The following GNA12 variants were observed in gnomAD, a reference collection of about 807,000 sequenced individuals.
GNA12 encodes the protein G protein subunit alpha 12.
GNA12 carries 9 observed loss-of-function variants against 26.0 expected under a neutral mutation model. The ratio of observed to expected loss-of-function variants is 0.35; its 90% CI spans 0.21 to 0.60. The LOEUF (loss-of-function observed/expected upper bound fraction) is 0.60, where lower values mean the gene tolerates loss of function less well. GNA12 is among the 20% of genes least tolerant of loss of function. The pLI is 0.78. For synonymous variants in GNA12, 264 were observed against 219.6 expected (o/e 1.20, Z -1.79); for missense variants, 405 against 525.8 (o/e 0.77, Z 2.25).
chr7:2,760,584 C>T (rs17132661), intron 2 of GNA12: 3,746 of 152,532 alleles, frequency 0.025, 112 homozygotes, highest in Middle Eastern at 0.075. Context: ...GCGTCCCTGA[C>T]GAGCACTGCA....
chr7:2,797,749 G>A (rs1392680330), intron 1 of GNA12, among the ~76,000 whole-genome samples: 6 of 152,140 alleles, frequency 3.9e-5, no homozygotes, highest in Non-Finnish European at 7.3e-5. Context: ...TCTGGTTAGA[G>A]ATGCTCCCTG....
chr7:2,808,371 G>A (rs1351479350), intron 1 of GNA12, among the ~76,000 whole-genome samples: 1 of 152,220 alleles, frequency 6.6e-6, no homozygotes, highest in Non-Finnish European at 1.5e-5. Flanking sequence ...TGCACCTTCT[G>A]CAGATCAGCA....
chr7:2,810,867 C>T (rs1395044907), intron 1 of GNA12, among the ~76,000 whole-genome samples: 2 of 151,792 alleles, frequency 1.3e-5, no homozygotes, highest in African/African-American at 2.4e-5. Flanking sequence ...CATTGCATTC[C>T]AGCCTGGGTG....
chr7:2,737,110 G>A (rs146477981), intron 2 of GNA12, among the ~76,000 whole-genome samples: 33 of 152,206 alleles, frequency 2.2e-4, no homozygotes, highest in Middle Eastern at 3.4e-3. Flanking sequence ...AGAGGAAAAG[G>A]TAACCGTGGA....
chr7:2,821,414 G>A (rs1241093977), intron 1 of GNA12, among the ~76,000 whole-genome samples: 1 of 152,202 alleles, frequency 6.6e-6, no homozygotes, highest in East Asian at 1.9e-4. Flanking sequence ...TCAGTCTCCA[G>A]CTGACCGCAG....
intron 2 of GNA12, among the ~76,000 whole-genome samples, chr7:2,784,882 C>T (rs1026900288): frequency 6.6e-6 from 1 of 152,198 alleles, no homozygotes; most frequent in Non-Finnish European, 1.5e-5. Flanking sequence ...TCAAATCCAT[C>T]ATTATTTTCC....
chr7:2,842,081 G>A (rs1779006777), intron 1 of GNA12, among the ~76,000 whole-genome samples: 1 of 140,524 alleles, frequency 7.1e-6, no homozygotes, highest in African/African-American at 2.8e-5. Flanking sequence ...GAAAAGGAAG[G>A]CGGGAAGGAA....
Position 2,786,177 on chromosome 7 carries a change from A to G in GNA12, c.525+8751T>C, listed in dbSNP as rs576802646. ...AATACAGTGACACAGTACTACATGC[A>G]CACGCTCACCAATGCCAGTCTCCTG... On this transcript the variant is annotated intron_variant, in intron 2 of 3. Transcript: ENST00000275364. Among the ~76,000 whole-genome samples the G allele has an allele frequency of 1.1e-4, 17 of 152,344 alleles. No homozygotes were observed. The South Asian group carries it at 3.5e-3, about 32-fold the overall frequency.
chr7:2,787,268 G>C (rs1350015660), intron 2 of GNA12, among the ~76,000 whole-genome samples: 1 of 152,144 alleles, frequency 6.6e-6, no homozygotes, highest in Non-Finnish European at 1.5e-5. Flanking sequence ...ATTACTTCAA[G>C]AGCCTCCATG....
intron 1 of GNA12, among the ~76,000 whole-genome samples, chr7:2,823,347 A>C (rs1448830668): frequency 6.6e-6 from 1 of 152,238 alleles, no homozygotes; most frequent in Non-Finnish European, 1.5e-5. Context: ...TAAGGGCAAA[A>C]GCGTGTTCTG....
intron 1 of GNA12, among the ~76,000 whole-genome samples, chr7:2,818,118 AG>A (rs1164819776): frequency 6.6e-6 from 1 of 152,232 alleles, no homozygotes; most frequent in Admixed American, 6.5e-5. Context: ...CAGGCATGTC[AG>A]GGTTTTGTAG....
At chr7:2,735,538 A>T (rs980729708) in intron 2 of GNA12, among the ~76,000 whole-genome samples, 1 of 152,202 alleles carries the variant, frequency 6.6e-6, no homozygotes, top group African/African-American at 2.4e-5. Flanking sequence ...GATGGGAAGC[A>T]GAAAACAGGA....
At chr7:2,841,197 G>A (rs934434167) in intron 1 of GNA12, among the ~76,000 whole-genome samples, 1 of 152,154 alleles carries the variant, frequency 6.6e-6, no homozygotes, top group Admixed American at 6.5e-5. Flanking sequence ...AGTTGCCCAG[G>A]CTAAAGTGCA....
In GNA12 at chr7:2,731,577, G is replaced by T; in HGVS notation, c.750C>A (p.Phe250Leu). The T allele has an allele frequency of 6.2e-7, 1 of 1,613,096 alleles. No individual in the cohort carries two copies. Among genetic ancestry groups the T allele is most frequent in the Non-Finnish European group, 8.5e-7 (1 of 1,179,348 alleles). Reference protein sequence around the residue: ...QCFDGITSILFMVSSSEYDQV... With the variant: ...QCFDGITSILLMVSSSEYDQV... Reference sequence around the variant, plus strand: ...GGTCGTACTCGCTGGAGGAGACCATGAACAGGATGGACGTGATCCCGTCGA... The same window carrying T: ...GGTCGTACTCGCTGGAGGAGACCATTAACAGGATGGACGTGATCCCGTCGA... Residue 250 changes from phenylalanine to leucine, a missense_variant, in exon 4 of 4, where the codon TTC becomes TTA. By Grantham distance (22) the Phe-to-Leu change is conservative (BLOSUM62 0). Coordinates refer to ENST00000275364, the MANE Select transcript of GNA12 (RefSeq NM_007353.3). This position sits in a 1 kb window ranked among gnomAD's most constrained non-coding sequence, Gnocchi z 6.0.
At chr7:2,769,162 C>G (rs1791887114) in intron 2 of GNA12, among the ~76,000 whole-genome samples, 1 of 152,134 alleles carries the variant, frequency 6.6e-6, no homozygotes, top group Non-Finnish European at 1.5e-5. Flanking sequence ...TCTTGGCCTC[C>G]CAAAGTGCTG....
intron 1 of GNA12, among the ~76,000 whole-genome samples, chr7:2,829,997 C>A (rs549321402): frequency 6.6e-6 from 1 of 152,342 alleles, no homozygotes; most frequent in African/African-American, 2.4e-5. Context: ...CTCCAGTGGA[C>A]TCCTGCCTCG....
chr7:2,784,763 A>G (rs1408483650), intron 2 of GNA12, among the ~76,000 whole-genome samples: 2 of 152,086 alleles, frequency 1.3e-5, no homozygotes, highest in Admixed American at 1.3e-4. Context: ...TCACTCCTTT[A>G]GCATACAGAA....
chr7:2,789,643 C>T (rs1179071717), intron 2 of GNA12, among the ~76,000 whole-genome samples: 1 of 152,200 alleles, frequency 6.6e-6, no homozygotes, highest in Non-Finnish European at 1.5e-5. Flanking sequence ...GGCAACATCC[C>T]ACCCACTGCT....
intron 3 of GNA12, among the ~76,000 whole-genome samples, chr7:2,732,149 G>T (rs1002451502): frequency 1.3e-5 from 2 of 152,306 alleles, no homozygotes; most frequent in East Asian, 3.9e-4. Flanking sequence ...TTTTGAATGT[G>T]ATGTAAATTC....
Sources: allele counts gnomAD v4.1 joint callset (sites outside exome capture counted in the v4.1 genomes callset), GRCh38; gene constraint gnomAD v4.1.1; non-coding constraint Gnocchi (gnomAD v3.1); transcripts MANE v1.5; gene names NCBI Gene and HGNC (gene_info 2026-07-23, HGNC 2026-07-21).